SIGLEC1: variants seen among roughly 807,000 people sequenced by gnomAD.
The protein encoded by SIGLEC1 is sialic acid binding Ig like lectin 1, also known as sialoadhesin.
In SIGLEC1, 132 loss-of-function variants were observed where a neutral mutation model predicts 148.0. The observed-to-expected ratio is 0.89, with a 90% confidence interval of 0.77 to 1.03. SIGLEC1 has a LOEUF of 1.03. Ranked by LOEUF, SIGLEC1 falls within the 50% of genes least tolerant of loss-of-function variation. The pLI is 0.00. For synonymous variants in SIGLEC1, 945 were observed against 969.0 expected (o/e 0.98, Z 0.46); for missense variants, 2,253 against 2,271.4 (o/e 0.99, Z 0.16).
Position 3,693,332 on chromosome 20 carries a change from C to A in SIGLEC1, c.3508+115G>T, listed in dbSNP as rs778797509. 76 of 1,279,666 alleles carry A rather than the reference C, an allele frequency of 5.9e-5. 2 individuals carry two copies. In the South Asian group the frequency reaches 1.1e-3, roughly 19 times the overall value. The allele number at this position is 1,279,666 out of a possible 1,614,324, so 79.3% of individuals were successfully genotyped here. A position where few individuals can be genotyped will look rare whatever the true frequency, so the allele number is the denominator to read the frequency against. ...TTAATGCTCCTTGCCCAGTGCTCCACTAGCTACTGGGTACCGAGTTCCCCA... is the reference window on the plus strand; with the variant it reads ...TTAATGCTCCTTGCCCAGTGCTCCAATAGCTACTGGGTACCGAGTTCCCCA... On this transcript the variant is annotated intron_variant, in intron 14 of 21. Transcript: ENST00000344754.
intron 10 of SIGLEC1, 53 bp downstream of exon 10, chr20:3,697,032 C>T: frequency 6.3e-7 from 1 of 1,588,702 alleles, no homozygotes. Context: ...TGCTTCTCCC[C>T]AGACCACCCC....
chr20:3,701,654 G>T lies in SIGLEC1; in HGVS notation c.1229-13C>A. ...GTGAGAGGCGGGTCTGTGTGGAGAC[G>T]AGAGGTGGGCCTGTCACCCTCAGAC... On this transcript the variant is annotated splice_polypyrimidine_tract_variant and intron_variant, in intron 6 of 21. Coordinates refer to ENST00000344754, the MANE Select transcript of SIGLEC1 (RefSeq NM_023068.4). 6.5e-7 allele frequency: 1 copy of T among 1,539,370 alleles called. No homozygotes were observed. The highest frequency in any genetic ancestry group is 1.3e-5 in the South Asian group (1 of 79,282).
Position 3,701,661 on chromosome 20 carries a change from G to A in SIGLEC1, c.1229-20C>T, listed in dbSNP as rs1223432817. Reference sequence around the variant, plus strand: ...GCGGGTCTGTGTGGAGACGAGAGGTGGGCCTGTCACCCTCAGACAAGGGCA... The same window carrying A: ...GCGGGTCTGTGTGGAGACGAGAGGTAGGCCTGTCACCCTCAGACAAGGGCA... On this transcript the variant is annotated intron_variant, in intron 6 of 21. Coordinates refer to ENST00000344754, the MANE Select transcript of SIGLEC1 (RefSeq NM_023068.4). The A allele has an allele frequency of 8.5e-6, 13 of 1,532,912 alleles. No individual in the cohort carries two copies. Among genetic ancestry groups the A allele is most frequent in the Non-Finnish European group, 1.1e-5 (13 of 1,137,226 alleles). 95.0% of individuals were successfully genotyped at this position (1,532,912 alleles called of 1,614,324 possible).
rs753656885 is a variant in SIGLEC1, at chr20:3,704,023, T to C, written c.775A>G (p.Thr259Ala). 1.2e-6 allele frequency: 2 copies of C among 1,613,364 alleles called. No homozygotes were observed. Among genetic ancestry groups the C allele is most frequent in the South Asian group, 2.2e-5 (2 of 91,034 alleles). ...GRNILPGELV[T>A]LTCQVNSSYP... ...CTGCTGTTCACCTGGCAGGTGAGTG[T>C]GACCAGCTCACCTGGAAGGATGTTC... Residue 259 changes from threonine to alanine, a missense_variant, in exon 5 of 22, where the codon ACA becomes GCA. By Grantham distance (58) the Thr-to-Ala change is moderately conservative. Coordinates refer to ENST00000344754, the MANE Select transcript of SIGLEC1 (RefSeq NM_023068.4).
rs1386259829 is a variant in SIGLEC1 at position 3,703,410 on chromosome 20, T to C, written c.1015A>G (p.Asn339Asp). The change falls in exon 6 of 22, where the codon AAC becomes GAC. Residue 339 changes from asparagine to aspartate, a missense_variant. Coordinates refer to ENST00000344754, the MANE Select transcript of SIGLEC1 (RefSeq NM_023068.4). ...QVSPAGPILE[N>D]QTVTLVCNTP... ...TTGCAGACTAGTGTCACTGTCTGGT[T>C]CTCCAGGATGGGACCTGCTGGGCTC... 2 of 1,597,470 alleles carry C rather than the reference T, an allele frequency of 1.3e-6. No homozygotes were observed. The highest frequency in any genetic ancestry group is 8.5e-7 in the Non-Finnish European group (1 of 1,170,746).
chr20:3,694,947 G>C (rs745426037), intron 11 of SIGLEC1, 24 bp from the exon 12 acceptor site: 2 of 1,598,852 alleles, frequency 1.3e-6, no homozygotes, highest in African/African-American at 2.7e-5. Flanking sequence ...CCAAGAGCAG[G>C]TGAGGGCTCT....
At position 3,692,849 on chromosome 20, in the gene SIGLEC1, G is replaced by C; in HGVS notation, c.3778+13C>G. 1.2e-6 allele frequency: 2 copies of C among 1,606,272 alleles called. No individual in the cohort carries two copies. The highest frequency in any genetic ancestry group is 2.2e-5 in the South Asian group (2 of 90,556). On this transcript the variant is annotated intron_variant, in intron 15 of 21. Transcript: ENST00000344754. ...CTTCCATCCCAGTGGGCTTGGCCTA[G>C]GCCCTGCCTTACCCTCCAGCCGCAG...
At chr20:3,709,957 G>T (rs1411945056) in intron 1 of SIGLEC1, among the ~76,000 whole-genome samples, 2 of 151,722 alleles carry the variant, frequency 1.3e-5, no homozygotes, top group African/African-American at 2.4e-5. Context: ...TAATGAAAAA[G>T]TTCTGGAAAT....
At chr20:3,696,129 T>TATATATATATAC (rs11087599) in intron 11 of SIGLEC1, among the ~76,000 whole-genome samples, 1,795 of 142,470 alleles carry the variant, frequency 0.013, 45 homozygotes, top group African/African-American at 0.047. Flanking sequence ...ACTATATATA[T>TATATATATATAC]ACACACACAC....
chr20:3,704,216 C>A, intron 4 of SIGLEC1, 125 bp from the exon 5 acceptor site: 1 of 883,430 alleles, frequency 1.1e-6, no homozygotes, highest in Admixed American at 2.3e-5. Flanking sequence ...CAGCAGTCCC[C>A]TTCAATCCTC....
intron 11 of SIGLEC1, among the ~76,000 whole-genome samples, chr20:3,695,347 G>C (rs1340717188): frequency 6.6e-6 from 1 of 152,228 alleles, no homozygotes; most frequent in Non-Finnish European, 1.5e-5. Flanking sequence ...CTAGGATCTG[G>C]ACTCAGCATG....
rs746812728 is a variant in SIGLEC1 at position 3,706,330 on chromosome 20, G to A, written c.409+17C>T. The A allele has an allele frequency of 6.3e-7, 1 of 1,593,952 alleles. No homozygotes were observed. Among genetic ancestry groups the A allele is most frequent in the East Asian group, 2.2e-5 (1 of 44,504 alleles). ...GGAATCCCTCCCGGGGGGCAGCCAG[G>A]CCACCCCACTTATCACCTGTTACTG... On this transcript the variant is annotated intron_variant, in intron 3 of 21. Coordinates refer to ENST00000344754, the MANE Select transcript of SIGLEC1 (RefSeq NM_023068.4).
At position 3,705,949 on chromosome 20, in the gene SIGLEC1, C is replaced by T; in HGVS notation, c.501G>A (p.Leu167=). Residue 167 remains leucine (L), a synonymous_variant, in exon 4 of 22, where the codon CTG becomes CTA. Transcript: ENST00000344754. ...DFNCSTPYVC[L]QEQVRLQWQG... ...GCCACTGCAGTCTGACCTGCTCCTG[C>T]AGGCATACGTAGGGAGTGGAGCAGT... is the stretch of plus-strand genomic sequence containing the variant. The T allele has an allele frequency of 1.2e-6, 2 of 1,614,164 alleles. No homozygotes were observed. Among genetic ancestry groups the T allele is most frequent in the Non-Finnish European group, 1.7e-6 (2 of 1,180,044 alleles).
At chr20:3,696,345 T>G (rs559027767) in intron 11 of SIGLEC1, among the ~76,000 whole-genome samples, 3 of 152,182 alleles carry the variant, frequency 2.0e-5, no homozygotes, top group Non-Finnish European at 4.4e-5. Context: ...TTTCAGAAAG[T>G]GCTCCCACCA....
Position 3,689,620 on chromosome 20 carries a change from C to A in SIGLEC1, c.4977G>T (p.Leu1659=). The change falls in exon 20 of 22, where the codon CTG becomes CTT. Residue 1659 remains leucine (L), a synonymous_variant. Transcript: ENST00000344754. ...LVGLLLLLLG[L]GACYTWRRRR... ...CCCACCTCCAGGTGTAGCAGGCCCCCAGGCCCAACAGCAGGAGCAGGAGGC... is the reference window on the plus strand; with the variant it reads ...CCCACCTCCAGGTGTAGCAGGCCCCAAGGCCCAACAGCAGGAGCAGGAGGC... 1 of 1,584,784 alleles carries A rather than the reference C, an allele frequency of 6.3e-7. No homozygotes were observed. The highest frequency in any genetic ancestry group is 2.3e-5 in the East Asian group (1 of 43,748).
intron 13 of SIGLEC1, 143 bp downstream of exon 13, chr20:3,694,078 C>G (rs983734878): frequency 6.6e-6 from 6 of 909,680 alleles, no homozygotes; most frequent in African/African-American, 6.5e-5. Flanking sequence ...AAACTCAAGT[C>G]TGGAGTCCAC....
chr20:3,691,698 A>G, intron 17 of SIGLEC1, 98 bp from the exon 18 acceptor site: 1 of 1,489,600 alleles, frequency 6.7e-7, no homozygotes, highest in Non-Finnish European at 9.1e-7. Context: ...CATTGTGGGA[A>G]GGTCTCAGTC....
At position 3,701,402 on chromosome 20, in the gene SIGLEC1, TG is replaced by T. The variant is rs769039327; in HGVS notation, c.1467del (p.Tyr489Ter). ...CCAAGGGAGTTGGTGGCTGAGCACT[TG>T]TACTCCCCACTGTCAGTTTCCTCCA... Reference protein sequence around the residue: ...RDLEETDSGEYKCSATNSLGN... With the variant: ...RDLEETDSGEXKCSATNSLGN... On this transcript the variant is annotated frameshift_variant, in exon 7 of 22. Coordinates refer to ENST00000344754, the MANE Select transcript of SIGLEC1 (RefSeq NM_023068.4). LOFTEE classifies it high-confidence loss of function. 3 of 1,614,104 alleles carry T rather than the reference TG, an allele frequency of 1.9e-6. No homozygotes were observed. Among genetic ancestry groups the T allele is most frequent in the Non-Finnish European group, 2.5e-6 (3 of 1,180,000 alleles).
chr20:3,699,752 GGATCGTTT>G (rs1195795090), intron 7 of SIGLEC1, among the ~76,000 whole-genome samples: 1 of 152,176 alleles, frequency 6.6e-6, no homozygotes, highest in African/African-American at 2.4e-5. Context: ...TGAGGCAGAA[GGATCGTTT>G]GAGGCCAGGA....
Sources: gnomAD v4.1 joint callset for allele counts (sites outside exome capture counted in the v4.1 genomes callset) on GRCh38, gnomAD v4.1.1 for gene constraint, MANE v1.5 for transcripts, NCBI Gene and HGNC (gene_info 2026-07-23, HGNC 2026-07-21) for gene names.